The following DNAH14 variants were observed in gnomAD, a reference collection of about 807,000 sequenced individuals.
DNAH14 encodes dynein axonemal heavy chain 14.
DNAH14 carries 478 observed loss-of-function variants against 520.9 expected under a neutral mutation model. The observed-to-expected ratio is 0.92, with a 90% CI of 0.85 to 0.99. The LOEUF (loss-of-function observed/expected upper bound fraction) is 0.99. Among genes scored for constraint, DNAH14 ranks in the 50% least tolerant of loss-of-function variants. The pLI, the probability that DNAH14 is intolerant of heterozygous loss-of-function variation, is 0.00. For synonymous variants in DNAH14, 1,581 were observed against 1,757.2 expected (o/e 0.90, Z 2.51); for missense variants, 4,831 against 5,234.5 (o/e 0.92, Z 2.38).
In DNAH14 at chr1:225,337,876, ACT is replaced by A. The variant is rs372652214; in HGVS notation, c.10312-182_10312-181del. ...CTTTTGTTACAAACAATCGAATTAT[ACT>A]CTTAGTTATTTTTAAATGTACAATT... is the stretch of plus-strand genomic sequence containing the variant. On this transcript the variant is annotated intron_variant, in intron 67 of 85. Coordinates refer to ENST00000682510, the MANE Select transcript of DNAH14 (RefSeq NM_001367479.1). Among the ~76,000 whole-genome samples, 163 of 152,132 alleles carry A rather than the reference ACT, an allele frequency of 1.1e-3. 4 individuals carry two copies. The highest frequency in any genetic ancestry group is 3.4e-3 in the Middle Eastern group (1 of 294).
intron 55 of DNAH14, among the ~76,000 whole-genome samples, chr1:225,299,178 T>C (rs925863348): frequency 4.6e-5 from 7 of 152,252 alleles, no homozygotes; most frequent in African/African-American, 1.4e-4. Context: ...AAGCAAAAAT[T>C]GCTAATCACT....
At chr1:224,938,119 T>C (rs1571879001) in intron 1 of DNAH14, among the ~76,000 whole-genome samples, 1 of 151,780 alleles carries the variant, frequency 6.6e-6, no homozygotes, top group African/African-American at 2.4e-5. Context: ...GTTGGGAAAA[T>C]GATCCAGGTA....
intron 8 of DNAH14, among the ~76,000 whole-genome samples, chr1:224,983,123 C>G (rs1048087250): frequency 4.6e-5 from 7 of 152,256 alleles, no homozygotes; most frequent in African/African-American, 1.7e-4. Flanking sequence ...GTTTTATAAA[C>G]TTGCAAGCTC....
intron 1 of DNAH14, among the ~76,000 whole-genome samples, chr1:224,932,769 A>G (rs756658581): frequency 4.0e-5 from 6 of 151,864 alleles, no homozygotes; most frequent in Non-Finnish European, 5.9e-5. Flanking sequence ...TTGGTTCTTT[A>G]TTTGGTACAA....
At chr1:225,050,114 C>A (rs1572701319) in intron 15 of DNAH14, 96 bp from the exon 16 acceptor site, 3 of 1,016,966 alleles carry the variant, frequency 2.9e-6, no homozygotes, top group East Asian at 2.9e-5. Flanking sequence ...AATAAATCAG[C>A]CCCCATTTTC....
rs1247103329 is a variant in DNAH14 at position 225,340,575 on chromosome 1, G to C, written c.10552G>C (p.Val3518Leu). 1 of 1,551,242 alleles carries C rather than the reference G, an allele frequency of 6.4e-7. No homozygotes were observed. The highest frequency in any genetic ancestry group is 1.4e-5 in the African/African-American group (1 of 73,006). ...TTTGCAAGATCAACTCTTGTCTACT[G>C]TGGTAACTCATGAAGTTCCTCATTT... Reference protein sequence around the residue: ...QGLQDQLLSTVVTHEVPHLED... With the variant: ...QGLQDQLLSTLVTHEVPHLED... The change falls in exon 69 of 86, where the codon GTG (valine) becomes CTG (leucine). Residue 3518 changes from valine (V) to leucine (L), a missense_variant. Transcript: ENST00000682510.
In DNAH14 at chr1:225,192,677, T is replaced by C; in HGVS notation, c.5671-19T>C. 1 of 1,515,646 alleles carries C rather than the reference T, an allele frequency of 6.6e-7. No homozygotes were observed. Among genetic ancestry groups the C allele is most frequent in the African/African-American group, 1.4e-5 (1 of 72,246 alleles). 93.9% of individuals were successfully genotyped at this position (1,515,646 alleles called of 1,614,324 possible). On this transcript the variant is annotated intron_variant, in intron 37 of 85. Coordinates refer to ENST00000682510, the MANE Select transcript of DNAH14 (RefSeq NM_001367479.1). ...GTCTATAGTTAATGTCTTTAAAAAC[T>C]ACACTGGATTTTTCCCAGATTTCAG...
chr1:225,380,030 T>C (rs939087492), intron 79 of DNAH14, 129 bp from the exon 80 acceptor site: 2 of 960,514 alleles, frequency 2.1e-6, no homozygotes, highest in African/African-American at 3.3e-5. Context: ...CCTATACTCA[T>C]CCTACAGTGG....
At position 225,030,581 on chromosome 1, in the gene DNAH14, A is replaced by G. The variant is rs147671772; in HGVS notation, c.1358+6716A>G. 2.6e-4 allele frequency among the ~76,000 whole-genome samples: 39 copies of G among 151,988 alleles called. No individual in the cohort carries two copies. In the East Asian group the frequency reaches 7.3e-3, roughly 29 times the overall value. The stretch of plus-strand genomic sequence containing the variant: ...TGGTGTCAGGTGTGGTTTGAGGTAT[A>G]TATTGTTATATGTTGGTATTTAATC... On this transcript the variant is annotated intron_variant, in intron 11 of 85. Transcript: ENST00000682510.
At position 225,261,153 on chromosome 1, in the gene DNAH14, T is replaced by C. The variant is rs2092922230; in HGVS notation, c.7157+1900T>C. ...TATTTCTTTCCTTGCCTAATTGCTCTGGCTAGGACTTCCAGTTCTATGTTG... is the reference window on the plus strand; with the variant it reads ...TATTTCTTTCCTTGCCTAATTGCTCCGGCTAGGACTTCCAGTTCTATGTTG... On this transcript the variant is annotated intron_variant, in intron 46 of 85. Coordinates refer to ENST00000682510, the MANE Select transcript of DNAH14 (RefSeq NM_001367479.1). 3.9e-5 allele frequency among the ~76,000 whole-genome samples: 6 copies of C among 152,342 alleles called. 1 individual carries two copies. The South Asian group carries it at 1.2e-3, about 32-fold the overall frequency.
At chr1:225,190,038 C>A (rs2085223280) in intron 37 of DNAH14, among the ~76,000 whole-genome samples, 1 of 151,818 alleles carries the variant, frequency 6.6e-6, no homozygotes, top group Non-Finnish European at 1.5e-5. Flanking sequence ...AAATCTCCAA[C>A]CCACAGTACC....
intron 12 of DNAH14, among the ~76,000 whole-genome samples, chr1:225,041,176 C>A (rs2067449042): frequency 6.6e-6 from 1 of 152,170 alleles, no homozygotes; most frequent in Non-Finnish European, 1.5e-5. Flanking sequence ...GGCATCTTGC[C>A]CCTGCTTTGC....
intron 8 of DNAH14, among the ~76,000 whole-genome samples, chr1:224,987,275 G>A (rs879855057): frequency 4.6e-5 from 7 of 152,066 alleles, no homozygotes; most frequent in Non-Finnish European, 1.0e-4. Flanking sequence ...TTAAGTTCCA[G>A]TCCAAGTTCA....
intron 32 of DNAH14, among the ~76,000 whole-genome samples, chr1:225,152,371 A>T (rs1035669243): frequency 6.6e-6 from 1 of 152,222 alleles, no homozygotes; most frequent in African/African-American, 2.4e-5. Context: ...AAAGCTGATG[A>T]GAGTGGCAGG....
chr1:225,258,975 T>C, intron 45 of DNAH14, 146 bp from the exon 46 acceptor site: 1 of 813,724 alleles, frequency 1.2e-6, no homozygotes, highest in Non-Finnish European at 1.8e-6. Context: ...TAACCACTCT[T>C]AACCACATTT....
In DNAH14 at chr1:225,300,887, T is replaced by C; in HGVS notation, c.8488T>C (p.Leu2830=). The C allele has an allele frequency of 6.4e-7, 1 of 1,550,622 alleles. No homozygotes were observed. The highest frequency in any genetic ancestry group is 8.7e-7 in the Non-Finnish European group (1 of 1,146,730). ...NIEQDSFLED[L]NYIISSGRIP... ...GCCTAAGGACTCATTTTTAGAAGAT[T>C]TGAACTACATCATCAGTTCAGGAAG... The change falls in exon 56 of 86, where the codon TTG becomes CTG. Residue 2830 remains leucine, a synonymous_variant. Coordinates refer to ENST00000682510, the MANE Select transcript of DNAH14 (RefSeq NM_001367479.1).
chr1:225,144,635 G>T lies in DNAH14; in HGVS notation c.4740+7G>T. The T allele has an allele frequency of 1.3e-6, 2 of 1,543,320 alleles. No homozygotes were observed. Among genetic ancestry groups the T allele is most frequent in the Non-Finnish European group, 1.8e-6 (2 of 1,141,742 alleles). On this transcript the variant is annotated splice_region_variant and intron_variant, in intron 29 of 85. Coordinates refer to ENST00000682510, the MANE Select transcript of DNAH14 (RefSeq NM_001367479.1). Reference sequence around the variant, plus strand: ...TGTCAAAGATCTAGCAAAAGTAAGTGGTTTCTGTATCCAGAATAAAAACTT... The same window carrying T: ...TGTCAAAGATCTAGCAAAAGTAAGTTGTTTCTGTATCCAGAATAAAAACTT...
At chr1:225,190,530 C>T (rs1030103627) in intron 37 of DNAH14, among the ~76,000 whole-genome samples, 1 of 152,006 alleles carries the variant, frequency 6.6e-6, no homozygotes, top group Non-Finnish European at 1.5e-5. Context: ...GTAAATGCAA[C>T]TGCAGAACAT....
intron 41 of DNAH14, among the ~76,000 whole-genome samples, chr1:225,216,760 A>G (rs2089402054): frequency 6.6e-6 from 1 of 151,950 alleles, no homozygotes; most frequent in African/African-American, 2.4e-5. Flanking sequence ...TCATTTAATG[A>G]CTTCTCTACA....
Sources: allele counts gnomAD v4.1 joint callset (sites outside exome capture counted in the v4.1 genomes callset), GRCh38; gene constraint gnomAD v4.1.1; transcripts MANE v1.5; gene names NCBI Gene and HGNC (gene_info 2026-07-23, HGNC 2026-07-21).